Variants in NRDE2 observed in about 807,000 individuals in gnomAD.
The protein encoded by NRDE2 is NRDE-2, necessary for RNA interference, domain containing.
NRDE2 carries 76 observed loss-of-function variants against 124.2 expected under a neutral mutation model. The ratio of observed to expected loss-of-function variants is 0.61; its 90% CI spans 0.51 to 0.74. The LOEUF is 0.74. Among genes scored for constraint, NRDE2 ranks in the 30% least tolerant of loss-of-function variants. The pLI is 0.00. For synonymous variants in NRDE2, 489 were observed against 528.1 expected (o/e 0.93, Z 1.01); for missense variants, 1,314 against 1,417.3 (o/e 0.93, Z 1.17).
intron 1 of NRDE2, among the ~76,000 whole-genome samples, chr14:90,320,817 TG>T (rs1885215710): frequency 6.6e-6 from 1 of 152,190 alleles, no homozygotes; most frequent in Non-Finnish European, 1.5e-5. Flanking sequence ...CAAGGCTCTA[TG>T]GGAGGTATTA....
chr14:90,310,202 G>A (rs1004697922), intron 4 of NRDE2, among the ~76,000 whole-genome samples: 6 of 152,282 alleles, frequency 3.9e-5, no homozygotes, highest in Non-Finnish European at 5.9e-5. Context: ...AAGAGAACCA[G>A]AGTCCTCTGT....
In NRDE2 at chr14:90,273,629, T is replaced by C. The variant is rs1325318622; in HGVS notation, c.*4707A>G. ...CTGTAGGTCAGAAGTCCAACACGAG[T>C]GTCTCCAGGCTAAAGTCTTGCTGTT... On this transcript the variant is annotated 3_prime_UTR_variant, in exon 14 of 14. Transcript: ENST00000354366. The C allele has an allele frequency of 6.6e-6, 1 of 152,386 alleles. No homozygotes were observed. The highest frequency in any genetic ancestry group is 1.5e-5 in the Non-Finnish European group (1 of 68,198). The allele number at this position is 152,386 out of a possible 1,614,324, so 9.4% of individuals were successfully genotyped here.
At chr14:90,325,076 G>T (rs1001534307) in intron 1 of NRDE2, among the ~76,000 whole-genome samples, 4 of 152,112 alleles carry the variant, frequency 2.6e-5, no homozygotes, top group Non-Finnish European at 4.4e-5. Flanking sequence ...TGTTTGGAAG[G>T]ACTAAAGAAT....
chr14:90,305,599 G>A (rs1160737075), intron 4 of NRDE2, among the ~76,000 whole-genome samples: 1 of 152,214 alleles, frequency 6.6e-6, no homozygotes, highest in Non-Finnish European at 1.5e-5. Context: ...GTAAAAAGGA[G>A]CTACTGGTAA....
At chr14:90,316,174 G>T (rs544811229) in intron 3 of NRDE2, among the ~76,000 whole-genome samples, 42 of 152,248 alleles carry the variant, frequency 2.8e-4, no homozygotes, top group African/African-American at 8.4e-4. Flanking sequence ...ATACACACAG[G>T]AGTTGATAGG....
chr14:90,313,317 G>A (rs1409979208), intron 3 of NRDE2, among the ~76,000 whole-genome samples: 2 of 151,920 alleles, frequency 1.3e-5, no homozygotes, highest in Non-Finnish European at 2.9e-5. Flanking sequence ...TGGTAGACAT[G>A]GGGTTTCACC....
chr14:90,272,220 G>A lies in NRDE2; in HGVS notation c.*6116C>T. ...CAGAATAGGTTTTTTGGAATTCCTT[G>A]TTAGAATAAAAATGAGTATGTCACT... On this transcript the variant is annotated 3_prime_UTR_variant, in exon 14 of 14. Coordinates refer to ENST00000354366, the MANE Select transcript of NRDE2 (RefSeq NM_017970.4). This position sits in a 1 kb window ranked among gnomAD's most constrained non-coding sequence, Gnocchi z 4.5. The A allele has an allele frequency of 6.3e-7, 1 of 1,589,914 alleles. No homozygotes were observed. Among genetic ancestry groups the A allele is most frequent in the Non-Finnish European group, 8.5e-7 (1 of 1,172,106 alleles).
chr14:90,321,549 T>TAAAAAAAAAAA (rs1012195271), intron 1 of NRDE2, among the ~76,000 whole-genome samples: 2 of 108,812 alleles, frequency 1.8e-5, no homozygotes, highest in African/African-American at 3.4e-5. Context: ...CCAGCTCTAT[T>TAAAAAAAAAAA]AAAAAAAAAA....
intron 12 of NRDE2, among the ~76,000 whole-genome samples, chr14:90,282,860 T>G (rs779346963): frequency 2.0e-5 from 3 of 152,034 alleles, no homozygotes; most frequent in Non-Finnish European, 4.4e-5. Flanking sequence ...AGAGACAGGG[T>G]TTCTCCATAT....
chr14:90,268,034 G>C lies in NRDE2; in HGVS notation c.*10302C>G, dbSNP rs2236402. The C allele has an allele frequency of 0.27, 138,493 of 505,730 alleles. 20,384 individuals are homozygous for C. Among genetic ancestry groups the C allele is most frequent in the Middle Eastern group, 0.35 (675 of 1,946 alleles). 31.3% of individuals were successfully genotyped at this position (505,730 alleles called of 1,614,324 possible). A position where few individuals can be genotyped will look rare whatever the true frequency, so the allele number is the denominator to read the frequency against. ...AGCTAAGGATAATCCAAACATGTTA[G>C]TAGATTTTTCTAAATGTCCTCTTAT... On this transcript the variant is annotated 3_prime_UTR_variant, in exon 14 of 14. Coordinates refer to ENST00000354366, the MANE Select transcript of NRDE2 (RefSeq NM_017970.4).
chr14:90,307,191 C>A (rs1157815045), intron 4 of NRDE2, among the ~76,000 whole-genome samples: 1 of 152,178 alleles, frequency 6.6e-6, no homozygotes, highest in Non-Finnish European at 1.5e-5. Context: ...GGCCTGCCTT[C>A]CTACTTTAAA....
Position 90,288,727 on chromosome 14 carries a change from TG to T in NRDE2, c.2647del (p.Gln883ArgfsTer21). 1 of 1,614,194 alleles carries T rather than the reference TG, an allele frequency of 6.2e-7. No individual in the cohort carries two copies. ...GACACAGCTGTCACCCAAACAGTCC[TG>T]CAGTGCGTGCTCATAAGCCTTTCGC... ...KARKAYEHALQDCLGDSCVSN... is the reference protein window; with the variant it reads ...KARKAYEHALXDCLGDSCVSN... On this transcript the variant is annotated frameshift_variant, in exon 11 of 14. Transcript: ENST00000354366. LOFTEE classifies it high-confidence loss of function.
Position 90,304,103 on chromosome 14 carries a change from G to A in NRDE2, c.837C>T (p.Thr279=). ...LNPLGIYDQS[T]THWLQGQGPP... is the part of the protein sequence containing the mutation. ...GACCCTGTCCTTGTAGCCAATGTGT[G>A]GTTGACTGATCATAAATCCCCAGAG... is the stretch of plus-strand genomic sequence containing the variant. The change falls in exon 5 of 14, where the codon ACC becomes ACT. Residue 279 remains threonine, a synonymous_variant. Transcript: ENST00000354366. 1 of 1,614,178 alleles carries A rather than the reference G, an allele frequency of 6.2e-7. No individual in the cohort carries two copies. Among genetic ancestry groups the A allele is most frequent in the Non-Finnish European group, 8.5e-7 (1 of 1,180,040 alleles).
intron 4 of NRDE2, among the ~76,000 whole-genome samples, chr14:90,305,962 T>C (rs1162249178): frequency 6.6e-6 from 1 of 152,184 alleles, no homozygotes; most frequent in Non-Finnish European, 1.5e-5. Flanking sequence ...CTGAAGTATT[T>C]AGGGGGTTGT....
In NRDE2 at chr14:90,269,583, T is replaced by C; in HGVS notation, c.*8753A>G. On this transcript the variant is annotated 3_prime_UTR_variant, in exon 14 of 14. Coordinates refer to ENST00000354366, the MANE Select transcript of NRDE2 (RefSeq NM_017970.4). ...GCTTTGGTTTCATCATGGAGATTAA[T>C]GTGTTTATATATTTGTGTTTAAGTG... is the stretch of plus-strand genomic sequence containing the variant. 1 of 1,605,720 alleles carries C rather than the reference T, an allele frequency of 6.2e-7. No individual in the cohort carries two copies. The highest frequency in any genetic ancestry group is 8.5e-7 in the Non-Finnish European group (1 of 1,174,102).
chr14:90,304,552 C>T (rs576768301), intron 4 of NRDE2, 170 bp from the exon 5 acceptor site: 66 of 568,604 alleles, frequency 1.2e-4, no homozygotes, highest in African/African-American at 8.9e-4. Flanking sequence ...TAGTAATTAA[C>T]TTTCTTTCTG....
chr14:90,328,158 T>G (rs989917631), intron 1 of NRDE2, among the ~76,000 whole-genome samples: 10 of 138,578 alleles, frequency 7.2e-5, no homozygotes, highest in Admixed American at 5.8e-4. Flanking sequence ...AAAAAAAAAA[T>G]TAGCCAGGAG....
chr14:90,308,833 G>A (rs578195348), intron 4 of NRDE2, among the ~76,000 whole-genome samples: 126 of 152,240 alleles, frequency 8.3e-4, no homozygotes, highest in Admixed American at 1.4e-3. Flanking sequence ...CCCAATTGGT[G>A]ACCCCAAAGC....
chr14:90,275,048 A>G lies in NRDE2; in HGVS notation c.*3288T>C, dbSNP rs1413173384. On this transcript the variant is annotated 3_prime_UTR_variant, in exon 14 of 14. Transcript: ENST00000354366. ...CACCCAAGAGTGTCAGTGCTGTCAC[A>G]CTCCTGCCAAAGATGCTTAGCCTGA... 1 of 152,136 alleles carries G rather than the reference A, an allele frequency of 6.6e-6. No individual in the cohort carries two copies. Among genetic ancestry groups the G allele is most frequent in the Non-Finnish European group, 1.5e-5 (1 of 68,042 alleles). The allele number at this position is 152,136 out of a possible 1,614,324, so 9.4% of individuals were successfully genotyped here. A position where few individuals can be genotyped will look rare whatever the true frequency, so the allele number is the denominator to read the frequency against.
Sources: gnomAD v4.1 joint callset for allele counts (sites outside exome capture counted in the v4.1 genomes callset) on GRCh38, gnomAD v4.1.1 for gene constraint, Gnocchi (gnomAD v3.1) non-coding constraint, MANE v1.5 for transcripts, NCBI Gene and HGNC (gene_info 2026-07-23, HGNC 2026-07-21) for gene names.